Variants in NBEAL1 observed in about 807,000 individuals in gnomAD.
The protein encoded by NBEAL1 is neurobeachin-like protein 1.
NBEAL1 carries 273 observed loss-of-function variants against 351.3 expected under a neutral mutation model. The ratio of observed to expected loss-of-function variants is 0.78; its 90% CI spans 0.70 to 0.86. The LOEUF (loss-of-function observed/expected upper bound fraction) is 0.86. Ranked by LOEUF, NBEAL1 falls within the 40% of genes least tolerant of loss-of-function variation. NBEAL1 has a pLI of 0.00. For synonymous variants in NBEAL1, 1,050 were observed against 1,086.4 expected (o/e 0.97, Z 0.66); for missense variants, 2,961 against 3,201.3 (o/e 0.92, Z 1.81).
chr2:203,203,926 GTTATTTT>G (rs1453014227), intron 51 of NBEAL1, among the ~76,000 whole-genome samples: 4 of 146,140 alleles, frequency 2.7e-5, no homozygotes, highest in Admixed American at 6.9e-5. Flanking sequence ...TGTTTTTTTT[GTTATTTT>G]TTGTTTTTTT....
At chr2:203,084,674 CTG>C in intron 10 of NBEAL1, 105 bp downstream of exon 10, 1 of 542,198 alleles carries the variant, frequency 1.8e-6, no homozygotes, top group Non-Finnish European at 3.0e-6. Flanking sequence ...TACTTAATCT[CTG>C]TTTGCATTTA....
intron 2 of NBEAL1, chr2:203,040,014 A>G (rs913659589): frequency 6.9e-6 from 4 of 579,376 alleles, no homozygotes; most frequent in African/African-American, 5.6e-5. Flanking sequence ...TTCTGGTTTT[A>G]AGAAGGAGTA....
Position 203,132,015 on chromosome 2 carries a change from A to G in NBEAL1, c.3607A>G (p.Ser1203Gly), listed in dbSNP as rs1251261956. ...MLKCTNVYER[S>G]KQHIRLREVG... is the part of the protein sequence containing the mutation. The stretch of plus-strand genomic sequence containing the variant: ...GAAATGCACGAACGTTTATGAGCGT[A>G]GTAAACAACATATTCGACTCAGAGA... The change falls in exon 26 of 56, where the codon AGT becomes GGT. Residue 1203 changes from serine to glycine, a missense_variant. Ser to Gly is a moderately conservative substitution (Grantham distance 56). Coordinates refer to ENST00000683969, the MANE Select transcript of NBEAL1 (RefSeq NM_001378026.1). 2.6e-6 allele frequency: 4 copies of G among 1,553,802 alleles called. No homozygotes were observed. The highest frequency in any genetic ancestry group is 2.0e-5 in the Admixed American group (1 of 50,850).
At chr2:203,019,847 T>C (rs2060738773) in intron 2 of NBEAL1, among the ~76,000 whole-genome samples, 1 of 152,156 alleles carries the variant, frequency 6.6e-6, no homozygotes, top group Non-Finnish European at 1.5e-5. Flanking sequence ...CTGGGTTCAA[T>C]TGTAAGCTTA....
chr2:203,083,976 C>CTGTG (rs59252809), intron 9 of NBEAL1, among the ~76,000 whole-genome samples: 17,727 of 134,040 alleles, frequency 0.13, 1,206 homozygotes, highest in East Asian at 0.21. Context: ...TCCTCAGAGC[C>CTGTG]TGTGTGTGTG....
chr2:203,181,450 T>C (rs2064715839), intron 43 of NBEAL1: 1 of 152,160 alleles, frequency 6.6e-6, no homozygotes, highest in African/African-American at 2.4e-5. Flanking sequence ...TTATGTTATG[T>C]TTTTGAAGTA....
chr2:203,165,290 G>T (rs1026991467), intron 36 of NBEAL1, among the ~76,000 whole-genome samples: 1 of 152,180 alleles, frequency 6.6e-6, no homozygotes, highest in Non-Finnish European at 1.5e-5. Context: ...TTTAAGTAAG[G>T]TATGGCAATA....
At chr2:203,129,969 C>T (rs1235194611) in intron 24 of NBEAL1, among the ~76,000 whole-genome samples, 4 of 152,120 alleles carry the variant, frequency 2.6e-5, no homozygotes, top group African/African-American at 4.8e-5. Flanking sequence ...TGAGACTAGC[C>T]TGGGCGGCAT....
intron 6 of NBEAL1, among the ~76,000 whole-genome samples, chr2:203,057,971 G>A (rs994930617): frequency 6.6e-6 from 1 of 151,904 alleles, no homozygotes; most frequent in East Asian, 1.9e-4. Flanking sequence ...AGCCTACCGA[G>A]TAGCTGGGAT....
At chr2:203,056,661 G>A (rs1393018559) in intron 5 of NBEAL1, among the ~76,000 whole-genome samples, 153 bp downstream of exon 5, 1 of 152,182 alleles carries the variant, frequency 6.6e-6, no homozygotes. Context: ...CTGCCTCCCA[G>A]GTTCAAGTGA....
chr2:203,193,764 G>T, intron 46 of NBEAL1, 31 bp from the exon 47 acceptor site: 1 of 1,413,632 alleles, frequency 7.1e-7, no homozygotes, highest in Non-Finnish European at 1.0e-6. Flanking sequence ...ACATAGATAT[G>T]GAATTGTTTT....
intron 24 of NBEAL1, 43 bp from the exon 25 acceptor site, chr2:203,130,275 A>G: frequency 1.4e-6 from 2 of 1,481,430 alleles, no homozygotes; most frequent in South Asian, 2.8e-5. Context: ...GTGCTTGTAT[A>G]TATGAATGTG....
At chr2:203,030,970 G>T (rs574615815) in intron 2 of NBEAL1, among the ~76,000 whole-genome samples, 2 of 152,298 alleles carry the variant, frequency 1.3e-5, no homozygotes, top group East Asian at 3.9e-4. Flanking sequence ...AGCTGTTGTT[G>T]CTATCTCAGA....
Position 203,107,622 on chromosome 2 carries a change from C to T in NBEAL1, c.1383C>T (p.Asp461=). 6.4e-7 allele frequency: 1 copy of T among 1,551,752 alleles called. No homozygotes were observed. Among genetic ancestry groups the T allele is most frequent in the Non-Finnish European group, 8.7e-7 (1 of 1,146,824 alleles). Residue 461 remains aspartate, a synonymous_variant, in exon 14 of 56, where the codon GAC becomes GAT. Transcript: ENST00000683969. ...KELMNMAVEG[D]HTSVGILGIS... Reference sequence around the variant, plus strand: ...TTGCTTTTCAGGCTGTAGAGGGTGACCACACTTCAGTTGGGATTTTGGGCA... The same window carrying T: ...TTGCTTTTCAGGCTGTAGAGGGTGATCACACTTCAGTTGGGATTTTGGGCA...
At chr2:203,186,965 T>G (rs770778535) in intron 44 of NBEAL1, among the ~76,000 whole-genome samples, 12 of 152,252 alleles carry the variant, frequency 7.9e-5, no homozygotes, top group Non-Finnish European at 1.3e-4. Flanking sequence ...CTCAACAGAT[T>G]ATTTTACAGC....
At chr2:203,172,110 T>A in intron 40 of NBEAL1, 87 bp downstream of exon 40, 2 of 598,176 alleles carry the variant, frequency 3.3e-6, no homozygotes, top group Non-Finnish European at 5.2e-6. Context: ...TATTTTTTAT[T>A]TAAAAAATAT....
At chr2:203,187,627 G>A (rs185775325) in intron 44 of NBEAL1, among the ~76,000 whole-genome samples, 48 of 151,728 alleles carry the variant, frequency 3.2e-4, no homozygotes, top group African/African-American at 1.2e-3. Context: ...TGTAATCCCA[G>A]CTACTTGGGA....
In NBEAL1 at chr2:203,127,909, A is replaced by G. The variant is rs1031196274; in HGVS notation, c.3377A>G (p.Tyr1126Cys). The change falls in exon 24 of 56, where the codon TAC (tyrosine) becomes TGC (cysteine). Residue 1126 changes from tyrosine (Y) to cysteine (C), a missense_variant. Physicochemically the swap from Tyr to Cys is radical, Grantham distance 194. Coordinates refer to ENST00000683969, the MANE Select transcript of NBEAL1 (RefSeq NM_001378026.1). ...SHEEIQSIMGYIAATNEEEQL... is the reference protein window; with the variant it reads ...SHEEIQSIMGCIAATNEEEQL... The stretch of plus-strand genomic sequence containing the variant: ...GAAGAGATACAAAGTATTATGGGGT[A>G]CATAGCTGCTACTAATGAAGAAGAA... 1 of 1,551,520 alleles carries G rather than the reference A, an allele frequency of 6.4e-7. No homozygotes were observed. Among genetic ancestry groups the G allele is most frequent in the Admixed American group, 2.0e-5 (1 of 50,866 alleles).
intron 53 of NBEAL1, among the ~76,000 whole-genome samples, chr2:203,209,604 G>A (rs1248213213): frequency 6.6e-6 from 1 of 152,180 alleles, no homozygotes; most frequent in South Asian, 2.1e-4. Flanking sequence ...GTGGAAACTG[G>A]AAATGATAGC....
Sources: gnomAD v4.1 joint callset for allele counts (sites outside exome capture counted in the v4.1 genomes callset) on GRCh38, gnomAD v4.1.1 for gene constraint, MANE v1.5 for transcripts, NCBI Gene and HGNC (gene_info 2026-07-23, HGNC 2026-07-21) for gene names.